The following OR6N1 variants were observed in gnomAD, a reference collection of about 807,000 sequenced individuals.
OR6N1 encodes the protein olfactory receptor 6N1.
For missense variants in OR6N1, 394 were observed against 371.7 expected, an observed-to-expected ratio of 1.06 and a Z score of -0.49; for synonymous variants, 170 against 150.7, an observed-to-expected ratio of 1.13 and a Z score of -0.94.
chr1:158,809,120 C>T, the OR6N1 span: 4 of 153,020 alleles, frequency 2.6e-5, no homozygotes, highest in Admixed American at 2.6e-4. Context: ...TGCTGACATA[C>T]CACACCTCTA....
chr1:158,788,106 A>G, the OR6N1 span, among the ~76,000 whole-genome samples: 1 of 152,220 alleles, frequency 6.6e-6, no homozygotes, highest in Non-Finnish European at 1.5e-5. Context: ...AATATAAAGC[A>G]TATCCTTCAG....
upstream of OR6N1, chr1:158,775,129 T>C (rs571475089): frequency 2.0e-5 from 3 of 152,320 alleles, no homozygotes; most frequent in Admixed American, 1.3e-4. Context: ...TATGTATATA[T>C]ACATAAATGT....
chr1:158,784,452 T>C, the OR6N1 span, among the ~76,000 whole-genome samples: 1 of 152,160 alleles, frequency 6.6e-6, no homozygotes, highest in Non-Finnish European at 1.5e-5. Context: ...CTCTAGCTAC[T>C]TGGAAATATG....
the OR6N1 span, among the ~76,000 whole-genome samples, chr1:158,818,763 C>T: frequency 6.6e-6 from 1 of 152,182 alleles, no homozygotes. Flanking sequence ...CTTCCCTATC[C>T]TTACCCAGTC....
the OR6N1 span, among the ~76,000 whole-genome samples, chr1:158,809,633 A>G: frequency 6.6e-6 from 1 of 152,148 alleles, no homozygotes; most frequent in East Asian, 1.9e-4. Flanking sequence ...ATCCAATAAC[A>G]GGAGAGCTAG....
chr1:158,826,708 T>C, the OR6N1 span, among the ~76,000 whole-genome samples: 1 of 152,154 alleles, frequency 6.6e-6, no homozygotes, highest in Non-Finnish European at 1.5e-5. Context: ...AGCTTTAATA[T>C]AATCATTTGA....
chr1:158,831,960 C>A, the OR6N1 span, among the ~76,000 whole-genome samples: 1 of 152,028 alleles, frequency 6.6e-6, no homozygotes, highest in Non-Finnish European at 1.5e-5. Flanking sequence ...ATATAAATCT[C>A]TATTATATGA....
chr1:158,831,131 GTTCT>G, the OR6N1 span, among the ~76,000 whole-genome samples: 1 of 152,162 alleles, frequency 6.6e-6, no homozygotes, highest in Non-Finnish European at 1.5e-5. Flanking sequence ...TTATAAGAAA[GTTCT>G]GAGTTTGAAA....
At position 158,766,032 on chromosome 1, in the gene OR6N1, G is replaced by A. The variant is rs1162391916; in HGVS notation, c.651C>T (p.Ser217=). 2 of 1,614,018 alleles carry A rather than the reference G, an allele frequency of 1.2e-6. No individual in the cohort carries two copies. The highest frequency in any genetic ancestry group is 3.3e-5 in the Admixed American group (2 of 60,000). The part of the protein sequence containing the change: ...ILATFLLILC[S]YVQIICTVLR... Reference sequence around the variant, plus strand: ...GCACTGTGCAGATGATCTGCACATAGGAGCAGAGGATCAGCAGGAAGGTGG... The same window carrying A: ...GCACTGTGCAGATGATCTGCACATAAGAGCAGAGGATCAGCAGGAAGGTGG... Residue 217 remains serine, a synonymous_variant, in exon 2 of 2, where the codon TCC becomes TCT. Coordinates refer to ENST00000641846, the MANE Select transcript of OR6N1 (RefSeq NM_001005185.2).
the OR6N1 span, among the ~76,000 whole-genome samples, chr1:158,779,018 C>CAAAAAAAAAAAAAAAAAAAAA: frequency 1.2e-5 from 1 of 86,406 alleles, no homozygotes; most frequent in Admixed American, 1.3e-4. Context: ...GACTGCGTCT[C>CAAAAAAAAAAAAAAAAAAAAA]AAAAAAAAAA....
At chr1:158,820,306 C>T in the OR6N1 span, among the ~76,000 whole-genome samples, 1 of 152,198 alleles carries the variant, frequency 6.6e-6, no homozygotes, top group Non-Finnish European at 1.5e-5. Flanking sequence ...TTGTTTATGG[C>T]CAGTTTGGGG....
chr1:158,802,058 G>T, the OR6N1 span, among the ~76,000 whole-genome samples: 1 of 151,982 alleles, frequency 6.6e-6, no homozygotes, highest in South Asian at 2.1e-4. Context: ...CTCCTCTGGG[G>T]TAGGAAGTTG....
the OR6N1 span, among the ~76,000 whole-genome samples, chr1:158,839,914 A>G: frequency 1.3e-5 from 2 of 152,220 alleles, no homozygotes; most frequent in African/African-American, 4.8e-5. Context: ...CTCAGTGAGA[A>G]GAGAACAATT....
the OR6N1 span, among the ~76,000 whole-genome samples, chr1:158,824,364 A>T: frequency 3.3e-5 from 5 of 152,116 alleles, no homozygotes; most frequent in African/African-American, 1.2e-4. Flanking sequence ...AAGTCCAATA[A>T]ACCTTTTTTT....
In OR6N1 at chr1:158,766,246, A is replaced by G; in HGVS notation, c.437T>C (p.Ile146Thr). 2 of 1,614,130 alleles carry G rather than the reference A, an allele frequency of 1.2e-6. No homozygotes were observed. Among genetic ancestry groups the G allele is most frequent in the Middle Eastern group, 1.6e-4 (1 of 6,062 alleles). The change falls in exon 2 of 2, where the codon ATT becomes ACT. Residue 146 changes from isoleucine (I) to threonine (T), a missense_variant. Physicochemically the swap from Ile to Thr is moderately conservative, Grantham distance 89. Coordinates refer to ENST00000641846, the MANE Select transcript of OR6N1 (RefSeq NM_001005185.2). ...AGCCAAGCCTCCCAACCAACAGCCA[A>G]TGGCAATCTCTGCACAAAGTGTTGG... The part of the protein sequence containing the change: ...MTPTLCAEIA[I>T]GCWLGGLAGP...
the OR6N1 span, among the ~76,000 whole-genome samples, chr1:158,819,848 T>C: frequency 1.3e-5 from 2 of 152,084 alleles, no homozygotes; most frequent in African/African-American, 4.8e-5. Context: ...TAATAGAACA[T>C]ACAGTCAAAA....
In OR6N1 at chr1:158,766,013, T is replaced by C. The variant is rs753265538; in HGVS notation, c.670A>G (p.Thr224Ala). The part of the protein sequence containing the change: ...ILCSYVQIIC[T>A]VLRIPSAAGK... The stretch of plus-strand genomic sequence containing the variant: ...GCAGCTGAGGGAATTCTGAGCACTG[T>C]GCAGATGATCTGCACATAGGAGCAG... The change falls in exon 2 of 2, where the codon ACA becomes GCA. Residue 224 changes from threonine to alanine, a missense_variant. Transcript: ENST00000641846. 6.2e-7 allele frequency: 1 copy of C among 1,614,166 alleles called. No individual in the cohort carries two copies. The highest frequency in any genetic ancestry group is 8.5e-7 in the Non-Finnish European group (1 of 1,180,022).
At chr1:158,772,582 A>T (rs1017721226), upstream of OR6N1, among the ~76,000 whole-genome samples, 18 of 152,340 alleles carry the variant, frequency 1.2e-4, no homozygotes, top group African/African-American at 4.3e-4. Context: ...TGACCCTGAA[A>T]GGGTGAGGAC....
chr1:158,776,604 C>A, upstream of OR6N1: 1 of 751,390 alleles, frequency 1.3e-6, no homozygotes, highest in Non-Finnish European at 2.2e-6. Flanking sequence ...AAATTCAGAG[C>A]ATGTGTGATG....
Sources: gnomAD v4.1 joint callset for allele counts (sites outside exome capture counted in the v4.1 genomes callset) on GRCh38, gnomAD v4.1.1 for gene constraint, MANE v1.5 for transcripts, NCBI Gene and HGNC (gene_info 2026-07-23, HGNC 2026-07-21) for gene names.